Variants in WIPI2 observed in about 807,000 individuals in gnomAD.
WIPI2 encodes WD repeat domain phosphoinositide-interacting protein 2.
In WIPI2, 28 loss-of-function variants were observed where a neutral mutation model predicts 52.3. The ratio of observed to expected loss-of-function variants is 0.54; its 90% CI spans 0.40 to 0.73. The LOEUF is 0.73. Among genes scored for constraint, WIPI2 ranks in the 30% least tolerant of loss-of-function variants. The probability of loss-of-function intolerance (pLI) is 0.00; values close to 1 mark genes in which losing one functional copy is unlikely to be tolerated. For missense variants in WIPI2, 506 were observed against 602.9 expected (o/e 0.84, Z 1.68); for synonymous variants, 268 against 245.0 (o/e 1.09, Z -0.88).
intron 7 of WIPI2, among the ~76,000 whole-genome samples, chr7:5,219,274 C>CT (rs1338443601): frequency 2.0e-5 from 3 of 152,206 alleles, no homozygotes; most frequent in African/African-American, 7.2e-5. Flanking sequence ...CCAAGTCTGA[C>CT]TTTGATTCTA....
At chr7:5,201,799 T>A (rs563587661) in intron 3 of WIPI2, among the ~76,000 whole-genome samples, 1 of 152,306 alleles carries the variant, frequency 6.6e-6, no homozygotes, top group African/African-American at 2.4e-5. Context: ...GTAAGGTGGG[T>A]GCATGAATGT....
chr7:5,229,864 C>T, intron 12 of WIPI2, 126 bp downstream of exon 12: 4 of 1,363,730 alleles, frequency 2.9e-6, no homozygotes. Flanking sequence ...GTTCTGAGAA[C>T]ATAAGCGAGG....
intron 3 of WIPI2, among the ~76,000 whole-genome samples, chr7:5,202,663 G>C (rs1265383507): frequency 6.6e-6 from 1 of 152,170 alleles, no homozygotes; most frequent in East Asian, 1.9e-4. Context: ...TGGGATTATA[G>C]GCGTGAGCCA....
At chr7:5,229,478 C>T (rs960249838) in intron 11 of WIPI2, 130 bp from the exon 12 acceptor site, 16 of 1,115,790 alleles carry the variant, frequency 1.4e-5, no homozygotes, top group East Asian at 5.4e-5. Context: ...GTTGCCACGG[C>T]GTGATGAATG....
rs749767275 is a variant in WIPI2, at chr7:5,208,423, T to TG, written c.212-6112_212-6111insG. On this transcript the variant is annotated intron_variant, in intron 3 of 12. Coordinates refer to ENST00000288828, the MANE Select transcript of WIPI2 (RefSeq NM_015610.4). The stretch of plus-strand genomic sequence containing the variant: ...TTTGATGCAGTCATATTTATGTTGT[T>TG]TTTTTTTTTCCTTCCATTTATGGTT... 5.6e-3 allele frequency among the ~76,000 whole-genome samples: 854 copies of TG among 151,460 alleles called. 8 individuals are homozygous for TG. Among genetic ancestry groups the TG allele is most frequent in the African/African-American group, 0.02 (824 of 41,304 alleles).
intron 3 of WIPI2, among the ~76,000 whole-genome samples, chr7:5,202,358 G>T (rs768995380): frequency 2.8e-4 from 42 of 152,092 alleles, no homozygotes; most frequent in Non-Finnish European, 5.3e-4. Context: ...TGCCAGATAG[G>T]CTTTGCACAT....
intron 3 of WIPI2, among the ~76,000 whole-genome samples, chr7:5,212,809 C>T (rs998603279): frequency 1.3e-5 from 2 of 152,280 alleles, no homozygotes; most frequent in Admixed American, 6.5e-5. Context: ...CGAAGCACCG[C>T]ATCTGGCCCC....
intron 3 of WIPI2, among the ~76,000 whole-genome samples, chr7:5,202,159 T>G (rs1782056472): frequency 6.6e-6 from 1 of 152,220 alleles, no homozygotes; most frequent in Admixed American, 6.5e-5. Context: ...TGTCACTCAC[T>G]GTGGCTGTTA....
chr7:5,216,736 T>C, intron 5 of WIPI2, 77 bp downstream of exon 5: 1 of 1,407,294 alleles, frequency 7.1e-7, no homozygotes, highest in Non-Finnish European at 9.9e-7. Flanking sequence ...AGAGAGATTT[T>C]TTCTTTTTAT....
At chr7:5,195,608 C>G (rs184714207) in intron 2 of WIPI2, among the ~76,000 whole-genome samples, 6 of 152,348 alleles carry the variant, frequency 3.9e-5, no homozygotes, top group Non-Finnish European at 8.8e-5. Context: ...CTCTGCCTTT[C>G]CCATTAGTAT....
chr7:5,228,054 C>A, intron 10 of WIPI2, 50 bp from the exon 11 acceptor site: 1 of 1,579,724 alleles, frequency 6.3e-7, no homozygotes, highest in Non-Finnish European at 8.7e-7. Context: ...TGTAGTAAGA[C>A]CGTTTCTGTG....
intron 3 of WIPI2, among the ~76,000 whole-genome samples, chr7:5,207,753 C>G (rs1782361735): frequency 2.1e-5 from 3 of 145,816 alleles, no homozygotes; most frequent in Admixed American, 7.0e-5. Flanking sequence ...TCTGATTGCT[C>G]TATGTCCTCA....
At chr7:5,211,704 A>T (rs907226607) in intron 3 of WIPI2, among the ~76,000 whole-genome samples, 1 of 152,330 alleles carries the variant, frequency 6.6e-6, no homozygotes. Context: ...ATAAAAAACC[A>T]GTTTTGTGTA....
At chr7:5,192,755 G>A (rs1239607061) in intron 1 of WIPI2, among the ~76,000 whole-genome samples, 1 of 152,164 alleles carries the variant, frequency 6.6e-6, no homozygotes, top group Non-Finnish European at 1.5e-5. Flanking sequence ...AGAAGTTCCC[G>A]GAGAGAGCTT....
chr7:5,225,222 C>G (rs1241420321), intron 8 of WIPI2, among the ~76,000 whole-genome samples: 3 of 151,990 alleles, frequency 2.0e-5, no homozygotes, highest in East Asian at 1.9e-4. Context: ...CTCACTGCAA[C>G]CTCTGCCTCC....
intron 7 of WIPI2, among the ~76,000 whole-genome samples, chr7:5,220,263 C>T (rs1321100909): frequency 8.4e-5 from 11 of 131,532 alleles, no homozygotes; most frequent in African/African-American, 2.8e-4. Context: ...TTTTTTGAAA[C>T]GGAGTCTTGT....
chr7:5,203,674 C>T (rs558410679), intron 3 of WIPI2, among the ~76,000 whole-genome samples: 1 of 147,438 alleles, frequency 6.8e-6, no homozygotes, highest in Non-Finnish European at 1.5e-5. Context: ...GCTCTGTAGC[C>T]CAGGCTGGAG....
intron 5 of WIPI2, 147 bp from the exon 6 acceptor site, chr7:5,216,943 G>T: frequency 1.1e-6 from 1 of 925,140 alleles, no homozygotes; most frequent in Non-Finnish European, 1.6e-6. Context: ...TGGGGTTGCA[G>T]AACTTTCCTA....
chr7:5,193,449 T>C (rs1254339343), intron 2 of WIPI2: 2 of 852,090 alleles, frequency 2.3e-6, no homozygotes, highest in Non-Finnish European at 1.6e-6. Context: ...ATTGATGTTA[T>C]GAAGTGTGTG....
Sources: allele counts gnomAD v4.1 joint callset (sites outside exome capture counted in the v4.1 genomes callset), GRCh38; gene constraint gnomAD v4.1.1; transcripts MANE v1.5; gene names NCBI Gene and HGNC (gene_info 2026-07-23, HGNC 2026-07-21).